Variants in MYH9 observed in about 807,000 individuals in gnomAD.
The protein encoded by MYH9 is myosin-9.
A neutral mutation model predicts 241.9 loss-of-function variants in MYH9; 29 were observed. The ratio of observed to expected loss-of-function variants is 0.12; its 90% CI spans 0.09 to 0.16. MYH9 has a LOEUF of 0.16. Ranked by LOEUF, MYH9 falls within the 10% of genes least tolerant of loss-of-function variation. MYH9 has a pLI of 1.00. For missense variants in MYH9, 1,803 were observed against 2,595.5 expected, an observed-to-expected ratio of 0.69 and a Z score of 6.63; for synonymous variants, 1,047 against 1,062.6, an observed-to-expected ratio of 0.99 and a Z score of 0.29.
At chr22:36,321,269 C>T (rs1318253743) in intron 7 of MYH9, among the ~76,000 whole-genome samples, 2 of 152,168 alleles carry the variant, frequency 1.3e-5, no homozygotes, top group Non-Finnish European at 2.9e-5. Context: ...CTCTTATTCT[C>T]GTCCAAAGGA....
chr22:36,342,488 T>C (rs2017605343), intron 2 of MYH9, among the ~76,000 whole-genome samples: 2 of 152,200 alleles, frequency 1.3e-5, no homozygotes, highest in South Asian at 4.1e-4. Context: ...TACACACATC[T>C]GTCCTTCCTC....
At chr22:36,373,996 G>T (rs2018126628) in intron 1 of MYH9, among the ~76,000 whole-genome samples, 1 of 151,672 alleles carries the variant, frequency 6.6e-6, no homozygotes, top group Non-Finnish European at 1.5e-5. Context: ...GAGGTGCAGG[G>T]CAAATCTGCT....
chr22:36,307,574 A>C (rs780779623), intron 15 of MYH9, among the ~76,000 whole-genome samples: 11 of 152,326 alleles, frequency 7.2e-5, no homozygotes, highest in Non-Finnish European at 1.5e-4. Context: ...GTGTGGATGG[A>C]GCCTACAAAC....
At chr22:36,298,853 G>A (rs548229146) in intron 24 of MYH9, 66 bp downstream of exon 24, 27 of 1,603,152 alleles carry the variant, frequency 1.7e-5, no homozygotes, top group Admixed American at 5.0e-5. Flanking sequence ...CAGACAGGCC[G>A]GCCCCTGACC....
intron 2 of MYH9, among the ~76,000 whole-genome samples, chr22:36,347,299 C>T (rs572635990): frequency 1.3e-5 from 2 of 152,034 alleles, no homozygotes; most frequent in African/African-American, 2.4e-5. Flanking sequence ...ACTCTCAATA[C>T]ACTTCCCCTT....
rs376220157 is a variant in MYH9 at position 36,297,636 on chromosome 22, C to T, written c.3101-622G>A. 1.6e-4 allele frequency among the ~76,000 whole-genome samples: 25 copies of T among 152,310 alleles called. No individual in the cohort carries two copies. The East Asian group carries it at 1.7e-3, about 11-fold the overall frequency. On this transcript the variant is annotated intron_variant, in intron 24 of 40. Transcript: ENST00000216181. The stretch of plus-strand genomic sequence containing the variant: ...TCTTGAGATGTAGCCCGTGAAGTTT[C>T]GCTGGAATAGATGTGTAAGGACATT...
intron 1 of MYH9, among the ~76,000 whole-genome samples, chr22:36,385,417 A>G (rs1016716248): frequency 2.0e-5 from 3 of 152,076 alleles, no homozygotes; most frequent in African/African-American, 7.2e-5. Flanking sequence ...GCATTTTTTT[A>G]GTGTGTTTTT....
chr22:36,283,997 T>C, intron 40 of MYH9, 96 bp downstream of exon 40: 1 of 1,458,452 alleles, frequency 6.9e-7, no homozygotes, highest in Non-Finnish European at 9.6e-7. Context: ...CCTTTCTTGG[T>C]GACATTCGTG....
Position 36,320,467 on chromosome 22 carries a change from C to T in MYH9, c.869-104G>A. 1 of 1,438,496 alleles carries T rather than the reference C, an allele frequency of 7.0e-7. No homozygotes were observed. The highest frequency in any genetic ancestry group is 9.6e-7 in the Non-Finnish European group (1 of 1,037,166). 89.1% of individuals were successfully genotyped at this position (1,438,496 alleles called of 1,614,324 possible). On this transcript the variant is annotated intron_variant, in intron 8 of 40. Coordinates refer to ENST00000216181, the MANE Select transcript of MYH9 (RefSeq NM_002473.6). The surrounding 1 kb of genome is among the most constrained non-coding windows in gnomAD (Gnocchi z 4.8). ...TGGAGAGACTGGGACAGACCCTGAG[C>T]CCTGACGCACCCTGGAAACCGCAGA...
intron 11 of MYH9, 124 bp from the exon 12 acceptor site, chr22:36,316,793 G>GA: frequency 1.8e-6 from 2 of 1,100,520 alleles, no homozygotes; most frequent in Non-Finnish European, 1.3e-6. Context: ...AGTATGTGGG[G>GA]GAAAAAAAAA....
In MYH9 at chr22:36,285,380, G is replaced by C. The variant is rs1467727063; in HGVS notation, c.5275-51C>G. ...GGGGAGGGCTGGGGCCCTGGCTGGA[G>C]GGCATGAGCAGGGCCAGAGGAAGGT... On this transcript the variant is annotated intron_variant, in intron 37 of 40. Coordinates refer to ENST00000216181, the MANE Select transcript of MYH9 (RefSeq NM_002473.6). This position sits in a 1 kb window ranked among gnomAD's most constrained non-coding sequence, Gnocchi z 7.0. The C allele has an allele frequency of 6.3e-7, 1 of 1,575,738 alleles. No individual in the cohort carries two copies. Among genetic ancestry groups the C allele is most frequent in the Non-Finnish European group, 8.6e-7 (1 of 1,156,716 alleles).
chr22:36,289,015 A>G, intron 32 of MYH9, 70 bp downstream of exon 32: 1 of 1,612,630 alleles, frequency 6.2e-7, no homozygotes, highest in Non-Finnish European at 8.5e-7. Context: ...GAGTCTGTGC[A>G]CACACCGACC....
Position 36,288,996 on chromosome 22 carries a change from C to G in MYH9, c.4558-57G>C. On this transcript the variant is annotated intron_variant, in intron 32 of 40. Transcript: ENST00000216181. This position sits in a 1 kb window ranked among gnomAD's most constrained non-coding sequence, Gnocchi z 4.8. Reference sequence around the variant, plus strand: ...AGGGACTGGCAGGTACCTGGGTCTGCGCGACCCGGAGTCTGTGCACACACC... The same window carrying G: ...AGGGACTGGCAGGTACCTGGGTCTGGGCGACCCGGAGTCTGTGCACACACC... 6.2e-7 allele frequency: 1 copy of G among 1,611,838 alleles called. No homozygotes were observed. Among genetic ancestry groups the G allele is most frequent in the South Asian group, 1.1e-5 (1 of 91,064 alleles).
In MYH9 at chr22:36,351,641, C is replaced by A. The variant is rs754692309; in HGVS notation, c.-19-2386G>T. On this transcript the variant is annotated intron_variant, in intron 1 of 40. Transcript: ENST00000216181. ...AACAGGCACCCCTAGGGTCCCAGCA[C>A]CCAGGCTCCCCAAAGTCTCCCCATC... is the stretch of plus-strand genomic sequence containing the variant. 7.9e-5 allele frequency among the ~76,000 whole-genome samples: 12 copies of A among 152,244 alleles called. 1 individual carries two copies. The South Asian group carries it at 2.3e-3, about 29-fold the overall frequency.
At chr22:36,338,158 T>C (rs1017895799) in intron 3 of MYH9, among the ~76,000 whole-genome samples, 4 of 151,998 alleles carry the variant, frequency 2.6e-5, no homozygotes, top group African/African-American at 9.7e-5. Context: ...CCACAATGCC[T>C]GGCTAATTTT....
intron 1 of MYH9, among the ~76,000 whole-genome samples, chr22:36,377,840 G>A (rs1182231646): frequency 6.6e-6 from 1 of 152,156 alleles, no homozygotes; most frequent in Admixed American, 6.5e-5. Context: ...GAACCCGAGA[G>A]GCGGAGCTTG....
At chr22:36,319,241 C>T (rs973596680) in intron 10 of MYH9, among the ~76,000 whole-genome samples, 11 of 152,102 alleles carry the variant, frequency 7.2e-5, no homozygotes, top group African/African-American at 2.7e-4. Flanking sequence ...GCAAGGCTCC[C>T]ATTAAGGAGG....
In MYH9 at chr22:36,286,965, C is replaced by T. The variant is rs1256418074; in HGVS notation, c.4933-119G>A. ...GTGCTCCACTCAATGCTGTATTTAA[C>T]CAACTAACCGTGGTGACAGGGCAAA... On this transcript the variant is annotated intron_variant, in intron 34 of 40. Coordinates refer to ENST00000216181, the MANE Select transcript of MYH9 (RefSeq NM_002473.6). 1.8e-5 allele frequency: 26 copies of T among 1,473,858 alleles called. No individual in the cohort carries two copies. The South Asian group carries it at 2.6e-4, about 15-fold the overall frequency. The allele number at this position is 1,473,858 out of a possible 1,614,324, so 91.3% of individuals were successfully genotyped here.
At position 36,293,859 on chromosome 22, in the gene MYH9, T is replaced by C; in HGVS notation, c.3842A>G (p.Glu1281Gly). 1 of 1,613,070 alleles carries C rather than the reference T, an allele frequency of 6.2e-7. No homozygotes were observed. The highest frequency in any genetic ancestry group is 8.5e-7 in the Non-Finnish European group (1 of 1,179,720). The change falls in exon 29 of 41, where the codon GAG (glutamate) becomes GGG (glycine). Residue 1281 changes from glutamate to glycine, a missense_variant. This residue lies in a region of MYH9 where 876 missense variants were observed against 1,077.8 expected (regional missense o/e 0.81). Coordinates refer to ENST00000216181, the MANE Select transcript of MYH9 (RefSeq NM_002473.6). This position sits in a 1 kb window ranked among gnomAD's most constrained non-coding sequence, Gnocchi z 5.1. Reference protein sequence around the residue: ...LADKVTKLQVELDNVTGLLSQ... With the variant: ...LADKVTKLQVGLDNVTGLLSQ... ...GAGAAGCCCGGTCACGTTGTCCAGC[T>C]CCACCTGCACCGGGCGGGGAGACAC...
Sources: gnomAD v4.1 joint callset for allele counts (sites outside exome capture counted in the v4.1 genomes callset) on GRCh38, gnomAD v4.1.1 for gene constraint, gnomAD v4.1.1 regional missense constraint, Gnocchi (gnomAD v3.1) non-coding constraint, MANE v1.5 for transcripts, NCBI Gene and HGNC (gene_info 2026-07-23, HGNC 2026-07-21) for gene names.